RAG1: variants seen among roughly 807,000 people sequenced by gnomAD.
RAG1 encodes the protein V(D)J recombination-activating protein 1.
In RAG1, 35 loss-of-function variants were observed where a neutral mutation model predicts 62.7. The ratio of observed to expected loss-of-function variants is 0.56; its 90% CI spans 0.43 to 0.74. The LOEUF is 0.74. Ranked by LOEUF, RAG1 falls within the 30% of genes least tolerant of loss-of-function variation. The probability of loss-of-function intolerance (pLI) is 0.00; values close to 1 mark genes in which losing one functional copy is unlikely to be tolerated. For synonymous variants in RAG1, 461 were observed against 470.3 expected (o/e 0.98, Z 0.26); for missense variants, 1,169 against 1,278.6 (o/e 0.91, Z 1.31).
chr11:36,574,639 G>C lies in RAG1; in HGVS notation c.1335G>C (p.Arg445Ser). 6.2e-7 allele frequency: 1 copy of C among 1,614,210 alleles called. No individual in the cohort carries two copies. Among genetic ancestry groups the C allele is most frequent in the Non-Finnish European group, 8.5e-7 (1 of 1,180,040 alleles). ...MTLFLLALRA[R>S]NEHRQADELE... ...TGTTCCTGCTGGCTCTGAGGGCGAGGAATGAGCACAGGCAAGCTGATGAGC... is the reference window on the plus strand; with the variant it reads ...TGTTCCTGCTGGCTCTGAGGGCGAGCAATGAGCACAGGCAAGCTGATGAGC... Residue 445 changes from arginine to serine, a missense_variant, in exon 2 of 2, where the codon AGG becomes AGC. Physicochemically the swap from Arg to Ser is moderately radical, Grantham distance 110 (BLOSUM62 -1). Coordinates refer to ENST00000299440, the MANE Select transcript of RAG1 (RefSeq NM_000448.3).
At chr11:36,536,589 A>ATATATAC (rs1860329606), downstream of RAG1, among the ~76,000 whole-genome samples, 1 of 151,818 alleles carries the variant, frequency 6.6e-6, no homozygotes, top group African/African-American at 2.4e-5. Context: ...TGTGCATAAA[A>ATATATAC]ACATTTTGTA....
In RAG1 at chr11:36,578,203, A is replaced by C. The variant is rs1183147057; in HGVS notation, c.*1767A>C. The C allele has an allele frequency of 6.0e-6, 1 of 167,092 alleles. No individual in the cohort carries two copies. The highest frequency in any genetic ancestry group is 1.9e-4 in the East Asian group (1 of 5,206). 10.4% of individuals were successfully genotyped at this position (167,092 alleles called of 1,614,324 possible). On this transcript the variant is annotated 3_prime_UTR_variant, in exon 2 of 2. Coordinates refer to ENST00000299440, the MANE Select transcript of RAG1 (RefSeq NM_000448.3). ...TAGTTGTCAAAAGTGCATCGGCGACATTATCTTTAATTGTATGTATTTGGT... is the reference window on the plus strand; with the variant it reads ...TAGTTGTCAAAAGTGCATCGGCGACCTTATCTTTAATTGTATGTATTTGGT...
exon 2 of RAG1, chr11:36,520,142 T>C (rs1860056295): frequency 6.6e-6 from 1 of 152,236 alleles, no homozygotes; most frequent in African/African-American, 2.4e-5. Flanking sequence ...GAGTGCAATC[T>C]GAAGCCACTT....
chr11:36,526,269 T>A (rs1391544054), intron 2 of RAG1, among the ~76,000 whole-genome samples: 1 of 125,390 alleles, frequency 8.0e-6, no homozygotes, highest in South Asian at 2.7e-4. Context: ...GTGTGTGATA[T>A]TCCCCTCCCT....
At chr11:36,535,089 A>G (rs938421368) in intron 2 of RAG1, among the ~76,000 whole-genome samples, 2 of 152,232 alleles carry the variant, frequency 1.3e-5, no homozygotes, top group African/African-American at 4.8e-5. Flanking sequence ...ATCAAGGTCT[A>G]TCATGTGATC....
chr11:36,538,461 T>C (rs1363810061), downstream of RAG1, among the ~76,000 whole-genome samples: 1 of 152,166 alleles, frequency 6.6e-6, no homozygotes, highest in African/African-American at 2.4e-5. Flanking sequence ...ATTCGATAGG[T>C]TATTATTTGG....
Position 36,568,073 on chromosome 11 carries a change from A to G in RAG1, c.-64A>G, listed in dbSNP as rs552428969. On this transcript the variant is annotated 5_prime_UTR_variant, in exon 1 of 2. Coordinates refer to ENST00000299440, the MANE Select transcript of RAG1 (RefSeq NM_000448.3). Reference sequence around the variant, plus strand: ...TTCTCTTTGGTATTGAGTAATATCAACCAAATTGCAGACATCTCAACACTT... The same window carrying G: ...TTCTCTTTGGTATTGAGTAATATCAGCCAAATTGCAGACATCTCAACACTT... 2 of 152,218 alleles carry G rather than the reference A, an allele frequency of 1.3e-5. No individual in the cohort carries two copies. The highest frequency in any genetic ancestry group is 2.9e-5 in the Non-Finnish European group (2 of 68,034). 9.4% of individuals were successfully genotyped at this position (152,218 alleles called of 1,614,324 possible).
chr11:36,521,461 A>C (rs1489645147), intron 2 of RAG1, among the ~76,000 whole-genome samples: 1 of 152,178 alleles, frequency 6.6e-6, no homozygotes, highest in Non-Finnish European at 1.5e-5. Flanking sequence ...TATGCCTTTC[A>C]TCTACCATGA....
At chr11:36,573,204 T>A (rs1216946549) in intron 1 of RAG1, 87 bp from the exon 2 acceptor site, 2 of 1,261,066 alleles carry the variant, frequency 1.6e-6, no homozygotes, top group Admixed American at 2.1e-5. Context: ...GAATAAATAA[T>A]TGAATGTATT....
upstream of RAG1, chr11:36,567,327 A>G (rs776866695): frequency 6.6e-6 from 1 of 152,226 alleles, no homozygotes; most frequent in Admixed American, 6.5e-5. Context: ...ATTGCTCTCA[A>G]TAATGGGGAC....
chr11:36,526,645 A>G (rs1489535068), intron 2 of RAG1, among the ~76,000 whole-genome samples: 1 of 152,172 alleles, frequency 6.6e-6, no homozygotes, highest in African/African-American at 2.4e-5. Context: ...TAGATCCTGG[A>G]GGAATTGCCA....
chr11:36,547,552 A>G (rs913845391), intron 3 of RAG1, among the ~76,000 whole-genome samples: 7 of 152,226 alleles, frequency 4.6e-5, no homozygotes, highest in Admixed American at 1.3e-4. Flanking sequence ...ATGGACACAT[A>G]TACCCTCCCA....
At chr11:36,537,554 A>G (rs1860351400), downstream of RAG1, among the ~76,000 whole-genome samples, 1 of 152,194 alleles carries the variant, frequency 6.6e-6, no homozygotes, top group African/African-American at 2.4e-5. Flanking sequence ...ATACTTCCTT[A>G]TCTTTGTGCT....
intron 3 of RAG1, among the ~76,000 whole-genome samples, chr11:36,560,788 C>T (rs1318656093): frequency 6.6e-6 from 1 of 152,110 alleles, no homozygotes; most frequent in Non-Finnish European, 1.5e-5. Context: ...CCCTTTTCCC[C>T]ACTATAGGGA....
At chr11:36,571,614 C>T (rs4151013) in intron 1 of RAG1, among the ~76,000 whole-genome samples, 2,074 of 152,128 alleles carry the variant, frequency 0.014, 30 homozygotes, top group East Asian at 0.039. Flanking sequence ...TTATGAAAAA[C>T]GCCCATTTCT....
At chr11:36,569,139 T>C (rs1390391473) in intron 1 of RAG1, among the ~76,000 whole-genome samples, 1 of 152,174 alleles carries the variant, frequency 6.6e-6, no homozygotes, top group Non-Finnish European at 1.5e-5. Context: ...GGGGGGCTGC[T>C]GCTGCTGCTG....
At chr11:36,513,873 G>T (rs560382113) in intron 1 of RAG1, among the ~76,000 whole-genome samples, 1 of 152,080 alleles carries the variant, frequency 6.6e-6, no homozygotes, top group African/African-American at 2.4e-5. Flanking sequence ...TCTCCCACTG[G>T]GTCCCTCCCA....
intron 2 of RAG1, among the ~76,000 whole-genome samples, chr11:36,531,793 T>A (rs1860260697): frequency 6.6e-6 from 1 of 152,066 alleles, no homozygotes; most frequent in Admixed American, 6.6e-5. Flanking sequence ...GGCCATTCAA[T>A]AACCTTTTTT....
At chr11:36,529,673 G>A (rs1564977462) in intron 2 of RAG1, among the ~76,000 whole-genome samples, 1 of 152,038 alleles carries the variant, frequency 6.6e-6, no homozygotes, top group Non-Finnish European at 1.5e-5. Context: ...GAAATAAAGG[G>A]CATTCAATTA....
Sources: gnomAD v4.1 joint callset for allele counts (sites outside exome capture counted in the v4.1 genomes callset) on GRCh38, gnomAD v4.1.1 for gene constraint, MANE v1.5 for transcripts, NCBI Gene and HGNC (gene_info 2026-07-23, HGNC 2026-07-21) for gene names.